Variants in ATAD2B observed in about 807,000 individuals in gnomAD.
ATAD2B encodes ATPase family AAA domain-containing protein 2B.
Under a neutral mutation model 167.6 loss-of-function variants are expected in ATAD2B, and 40 were observed. The observed-to-expected ratio is 0.24, with a 90% CI of 0.19 to 0.31. ATAD2B has a LOEUF of 0.31. ATAD2B is among the 10% of genes least tolerant of loss of function. ATAD2B has a pLI of 1.00. For synonymous variants in ATAD2B, 579 were observed against 596.5 expected (o/e 0.97, Z 0.43); for missense variants, 1,242 against 1,757.2 (o/e 0.71, Z 5.24).
chr2:23,694,083 A>G, the ATAD2B span, among the ~76,000 whole-genome samples: 1 of 152,220 alleles, frequency 6.6e-6, no homozygotes, highest in Non-Finnish European at 1.5e-5. Context: ...GACAGCCACA[A>G]GTCCCTATGA....
At chr2:23,756,435 A>T (rs1398652827) in intron 25 of ATAD2B, among the ~76,000 whole-genome samples, 4 of 152,158 alleles carry the variant, frequency 2.6e-5, no homozygotes, top group Non-Finnish European at 4.4e-5. Context: ...CCCAGGCTGA[A>T]GCTGTGTTCT....
the ATAD2B span, among the ~76,000 whole-genome samples, chr2:23,679,641 C>T: frequency 7.0e-6 from 1 of 143,076 alleles, no homozygotes; most frequent in African/African-American, 2.5e-5. Flanking sequence ...AGGCCCTGTG[C>T]TGAGTGTCGA....
chr2:23,765,462 A>T, intron 23 of ATAD2B, 44 bp downstream of exon 23: 1 of 1,546,140 alleles, frequency 6.5e-7, no homozygotes, highest in Non-Finnish European at 8.8e-7. Context: ...TGGCCTGAAC[A>T]GAGCACACTA....
chr2:23,759,879 T>C (rs1264701815), intron 24 of ATAD2B, among the ~76,000 whole-genome samples: 53 of 152,222 alleles, frequency 3.5e-4, no homozygotes, highest in Non-Finnish European at 8.8e-5. Flanking sequence ...ATAAAAAGCA[T>C]TCAGCTTGCT....
intron 27 of ATAD2B, 44 bp from the exon 28 acceptor site, chr2:23,752,131 C>T (rs769011384): frequency 7.4e-7 from 1 of 1,349,862 alleles, no homozygotes. Flanking sequence ...AAGGGAAAGA[C>T]AAAAGTGTTC....
At chr2:23,809,115 GT>G (rs369966391) in intron 18 of ATAD2B, 186 of 152,092 alleles carry the variant, frequency 1.2e-3, no homozygotes, top group African/African-American at 4.3e-3. Flanking sequence ...TAAATCATTT[GT>G]ATTTATTTTA....
chr2:23,709,516 T>C, the ATAD2B span, among the ~76,000 whole-genome samples: 4 of 152,328 alleles, frequency 2.6e-5, no homozygotes, highest in African/African-American at 9.6e-5. Context: ...ACCTGTCCTC[T>C]GGCAGGGAAA....
chr2:23,706,458 CTG>C, the ATAD2B span: 1 of 1,437,176 alleles, frequency 7.0e-7, no homozygotes, highest in Non-Finnish European at 9.2e-7. Context: ...ATGCCTAACT[CTG>C]TCCCCGCTTT....
At chr2:23,784,395 T>C (rs867301954) in intron 21 of ATAD2B, among the ~76,000 whole-genome samples, 4 of 152,104 alleles carry the variant, frequency 2.6e-5, no homozygotes, top group Non-Finnish European at 4.4e-5. Flanking sequence ...GAGACTCCTA[T>C]GTTCTCAGCT....
intron 13 of ATAD2B, among the ~76,000 whole-genome samples, chr2:23,854,032 G>A (rs1470011619): frequency 1.3e-5 from 2 of 151,998 alleles, no homozygotes; most frequent in East Asian, 3.9e-4. Flanking sequence ...AATCACCTGA[G>A]GTCAGAAGTT....
intron 12 of ATAD2B, among the ~76,000 whole-genome samples, chr2:23,861,471 C>A (rs1347024665): frequency 2.1e-5 from 3 of 142,284 alleles, no homozygotes; most frequent in Admixed American, 7.1e-5. Flanking sequence ...AATGCAGAAT[C>A]TTTCATTAAA....
At chr2:23,799,562 C>G (rs1262968203) in intron 18 of ATAD2B, among the ~76,000 whole-genome samples, 1 of 118,692 alleles carries the variant, frequency 8.4e-6, no homozygotes, top group Non-Finnish European at 1.7e-5. Flanking sequence ...GACAGTGAGA[C>G]TCCATCTCAA....
At chr2:23,853,584 T>C (rs1692904788) in intron 13 of ATAD2B, among the ~76,000 whole-genome samples, 1 of 152,182 alleles carries the variant, frequency 6.6e-6, no homozygotes, top group Non-Finnish European at 1.5e-5. Context: ...ATGAACAGAA[T>C]TACCATGTTC....
At chr2:23,696,090 G>C in the ATAD2B span, 3 of 1,551,826 alleles carry the variant, frequency 1.9e-6, no homozygotes, top group Non-Finnish European at 1.7e-6. This position sits in a 1 kb window ranked among gnomAD's most constrained non-coding sequence, Gnocchi z 5.5. Context: ...ATGACCGCGA[G>C]TTCTTCAGTG....
At chr2:23,686,050 A>G in the ATAD2B span, among the ~76,000 whole-genome samples, 1 of 152,030 alleles carries the variant, frequency 6.6e-6, no homozygotes, top group Non-Finnish European at 1.5e-5. Context: ...AGAGAAGAAC[A>G]CGTGCTAGGA....
At chr2:23,765,399 T>C in intron 23 of ATAD2B, 107 bp downstream of exon 23, 1 of 918,948 alleles carries the variant, frequency 1.1e-6, no homozygotes, top group Non-Finnish European at 1.5e-6. Context: ...ATACATTAAA[T>C]ACATTACTTT....
At chr2:23,923,238 AAT>A (rs1347507089) in intron 1 of ATAD2B, among the ~76,000 whole-genome samples, 1 of 152,176 alleles carries the variant, frequency 6.6e-6, no homozygotes, top group East Asian at 1.9e-4. Context: ...TACACTAAAT[AAT>A]ATGTCAGTCC....
At chr2:23,926,475 A>T (rs1704845702) in intron 1 of ATAD2B, 80 bp downstream of exon 1, 1 of 1,492,630 alleles carries the variant, frequency 6.7e-7, no homozygotes, top group East Asian at 2.5e-5. Flanking sequence ...TAGGCTTCCT[A>T]CCCCCAACCC....
intron 19 of ATAD2B, among the ~76,000 whole-genome samples, chr2:23,790,526 A>G (rs1572761154): frequency 1.3e-5 from 2 of 152,342 alleles, no homozygotes; most frequent in Non-Finnish European, 2.9e-5. Context: ...ACAATAATCC[A>G]TGGATATTCT....
Sources: gnomAD v4.1 joint callset for allele counts (sites outside exome capture counted in the v4.1 genomes callset) on GRCh38, gnomAD v4.1.1 for gene constraint, Gnocchi (gnomAD v3.1) non-coding constraint, MANE v1.5 for transcripts, NCBI Gene and HGNC (gene_info 2026-07-23, HGNC 2026-07-21) for gene names.